YEATS2: variants seen among roughly 807,000 people sequenced by gnomAD.
The protein encoded by YEATS2 is YEATS domain-containing protein 2.
Under a neutral mutation model 163.2 loss-of-function variants are expected in YEATS2, and 77 were observed. That is an observed-to-expected ratio of 0.47 (90% CI 0.39 to 0.57). YEATS2 has a LOEUF of 0.57. Ranked by LOEUF, YEATS2 falls within the 20% of genes least tolerant of loss-of-function variation. The pLI, the probability that YEATS2 is intolerant of heterozygous loss-of-function variation, is 0.00. For missense variants in YEATS2, 1,549 were observed against 1,729.8 expected (o/e 0.90, Z 1.85); for synonymous variants, 631 against 645.1 (o/e 0.98, Z 0.33).
At chr3:183,807,528 C>T (rs914130933) in intron 28 of YEATS2, 7 of 236,018 alleles carry the variant, frequency 3.0e-5, no homozygotes, top group African/African-American at 6.9e-5. Flanking sequence ...GCCTGTGGTG[C>T]AGATGGCGTG....
intron 27 of YEATS2, among the ~76,000 whole-genome samples, chr3:183,805,713 C>T (rs1726122440): frequency 6.6e-6 from 1 of 151,846 alleles, no homozygotes; most frequent in East Asian, 1.9e-4. Flanking sequence ...TGCTTGAGCC[C>T]AAGAAGTTGA....
chr3:183,799,409 T>C (rs1725450687), intron 23 of YEATS2, among the ~76,000 whole-genome samples: 1 of 151,538 alleles, frequency 6.6e-6, no homozygotes, highest in Non-Finnish European at 1.5e-5. Context: ...TTTAAAAGAG[T>C]AGAGGTTTTT....
intron 8 of YEATS2, among the ~76,000 whole-genome samples, chr3:183,739,265 C>T (rs1718696944): frequency 6.6e-6 from 1 of 151,632 alleles, no homozygotes; most frequent in Non-Finnish European, 1.5e-5. Flanking sequence ...AGCAAAGTCT[C>T]AGGATACAAA....
At chr3:183,754,419 G>T (rs926992597) in intron 11 of YEATS2, 54 bp downstream of exon 11, 1 of 1,541,616 alleles carries the variant, frequency 6.5e-7, no homozygotes, top group Non-Finnish European at 8.8e-7. Context: ...TGTTAAAATT[G>T]TTGGAACAAC....
chr3:183,765,945 T>TAA (rs576204848), intron 15 of YEATS2, among the ~76,000 whole-genome samples: 6 of 128,820 alleles, frequency 4.7e-5, no homozygotes, highest in South Asian at 2.5e-4. Context: ...AGACTCTGTC[T>TAA]AAAAAAAAAA....
At chr3:183,796,148 ATTTT>A (rs1176974770) in intron 21 of YEATS2, among the ~76,000 whole-genome samples, 2 of 96,080 alleles carry the variant, frequency 2.1e-5, no homozygotes, top group African/African-American at 8.6e-5. Context: ...ATGCCCGGCT[ATTTT>A]TTTTTTTTTT....
At position 183,810,539 on chromosome 3, in the gene YEATS2, T is replaced by C. The variant is rs1669747257; in HGVS notation, c.4225T>C (p.Phe1409Leu). 1 of 1,614,174 alleles carries C rather than the reference T, an allele frequency of 6.2e-7. No individual in the cohort carries two copies. The highest frequency in any genetic ancestry group is 8.5e-7 in the Non-Finnish European group (1 of 1,180,006). ...CATTTGCAACATTCCTTTTCTGGACTTCCTCACAAACAAACACATGGGAAT... is the reference window on the plus strand; with the variant it reads ...CATTTGCAACATTCCTTTTCTGGACCTCCTCACAAACAAACACATGGGAAT... ...QAICNIPFLDFLTNKHMGILN... is the reference protein window; with the variant it reads ...QAICNIPFLDLLTNKHMGILN... Residue 1409 changes from phenylalanine to leucine, a missense_variant, in exon 31 of 31, where the codon TTC becomes CTC. By Grantham distance (22) the Phe-to-Leu change is conservative (BLOSUM62 0). Coordinates refer to ENST00000305135, the MANE Select transcript of YEATS2 (RefSeq NM_018023.5).
intron 7 of YEATS2, among the ~76,000 whole-genome samples, chr3:183,731,309 A>G (rs1717754645): frequency 6.6e-6 from 1 of 152,008 alleles, no homozygotes; most frequent in African/African-American, 2.4e-5. Flanking sequence ...AAAAAAAAAA[A>G]AAAAAAAGCG....
chr3:183,721,864 T>C lies in YEATS2; in HGVS notation c.292-27T>C, dbSNP rs116502703. On this transcript the variant is annotated intron_variant, in intron 4 of 30. Coordinates refer to ENST00000305135, the MANE Select transcript of YEATS2 (RefSeq NM_018023.5). ...GCTTTTGATGGATTTGATTAAAAATTTATTTGCTTGCTTTCATTTTTTGTA... is the reference window on the plus strand; with the variant it reads ...GCTTTTGATGGATTTGATTAAAAATCTATTTGCTTGCTTTCATTTTTTGTA... 22,045 of 1,607,616 alleles carry C rather than the reference T, an allele frequency of 0.014. 201 individuals carry two copies. The highest frequency in any genetic ancestry group is 0.027 in the Middle Eastern group (162 of 6,022).
At chr3:183,748,063 T>C (rs956442405) in intron 9 of YEATS2, among the ~76,000 whole-genome samples, 1 of 152,196 alleles carries the variant, frequency 6.6e-6, no homozygotes, top group South Asian at 2.1e-4. Flanking sequence ...AGTTTGCCTT[T>C]CTGTGTTAGT....
At chr3:183,806,572 A>T (rs1726226481) in intron 27 of YEATS2, 1 of 452,198 alleles carries the variant, frequency 2.2e-6, no homozygotes, top group Middle Eastern at 6.2e-4. Flanking sequence ...AGTCCTTAAT[A>T]CTCAGAGGGA....
intron 8 of YEATS2, among the ~76,000 whole-genome samples, chr3:183,744,659 G>A (rs1048041362): frequency 6.6e-6 from 1 of 152,112 alleles, no homozygotes; most frequent in Non-Finnish European, 1.5e-5. Context: ...TATTGGCCTT[G>A]AGACCCTAAA....
intron 8 of YEATS2, among the ~76,000 whole-genome samples, chr3:183,741,789 A>G (rs574466181): frequency 6.6e-6 from 1 of 152,236 alleles, no homozygotes; most frequent in African/African-American, 2.4e-5. Flanking sequence ...TCAAAAAGAA[A>G]AAAAAGAGCT....
intron 21 of YEATS2, among the ~76,000 whole-genome samples, chr3:183,793,697 C>T (rs1399402446): frequency 6.8e-6 from 1 of 147,124 alleles, no homozygotes; most frequent in Non-Finnish European, 1.5e-5. Context: ...ACTGCGACCT[C>T]TGCCTCCCGA....
At chr3:183,800,162 G>A (rs761525633) in intron 23 of YEATS2, among the ~76,000 whole-genome samples, 14 of 152,176 alleles carry the variant, frequency 9.2e-5, no homozygotes, top group Non-Finnish European at 1.8e-4. Context: ...ACATGTGTGG[G>A]GAGGGGAGTG....
At position 183,795,186 on chromosome 3, in the gene YEATS2, AAAAAG is replaced by A. The variant is rs1452548681; in HGVS notation, c.3098-2732_3098-2728del. Reference sequence around the variant, plus strand: ...GACACTGTCTCAAAAAAAAAAAAAGAAAAAGAAAAAAAGAATAAACCATCTACCCT... The same window carrying A: ...GACACTGTCTCAAAAAAAAAAAAAGAAAAAAAAGAATAAACCATCTACCCT... On this transcript the variant is annotated intron_variant, in intron 21 of 30. Transcript: ENST00000305135. 2.8e-4 allele frequency among the ~76,000 whole-genome samples: 41 copies of A among 146,104 alleles called. 1 individual carries two copies. The highest frequency in any genetic ancestry group is 7.5e-5 in the Non-Finnish European group (5 of 66,902).
At chr3:183,719,222 G>T (rs182595846) in intron 4 of YEATS2, among the ~76,000 whole-genome samples, 1 of 149,916 alleles carries the variant, frequency 6.7e-6, no homozygotes, top group African/African-American at 2.5e-5. Context: ...GAGTGCAGTG[G>T]CCTCCCAGGT....
intron 24 of YEATS2, 74 bp downstream of exon 24, chr3:183,800,642 A>G: frequency 1.6e-6 from 2 of 1,257,896 alleles, no homozygotes; most frequent in Non-Finnish European, 2.3e-6. Context: ...GAGTATGTGC[A>G]GAGTTGTGTG....
chr3:183,719,325 CG>C (rs1560230267), intron 4 of YEATS2, among the ~76,000 whole-genome samples: 1 of 151,852 alleles, frequency 6.6e-6, no homozygotes, highest in Admixed American at 6.6e-5. Context: ...TTACTAGAGA[CG>C]GGGTTTCTCC....
Sources: gnomAD v4.1 joint callset for allele counts (sites outside exome capture counted in the v4.1 genomes callset) on GRCh38, gnomAD v4.1.1 for gene constraint, MANE v1.5 for transcripts, NCBI Gene and HGNC (gene_info 2026-07-23, HGNC 2026-07-21) for gene names.